SEMA5A: variants seen among roughly 807,000 people sequenced by gnomAD.
SEMA5A encodes the protein semaphorin 5A.
In SEMA5A, 55 loss-of-function variants were observed where a neutral mutation model predicts 135.5. The ratio of observed to expected loss-of-function variants is 0.41; its 90% CI spans 0.33 to 0.51. SEMA5A has a LOEUF of 0.51. Among genes scored for constraint, SEMA5A ranks in the 20% least tolerant of loss-of-function variants. The pLI, the probability that SEMA5A is intolerant of heterozygous loss-of-function variation, is 0.37. For missense variants in SEMA5A, 1,290 were observed against 1,419.9 expected (o/e 0.91, Z 1.47); for synonymous variants, 580 against 546.5 (o/e 1.06, Z -0.85).
chr5:9,055,670 A>G (rs1409957369), intron 18 of SEMA5A, among the ~76,000 whole-genome samples: 1 of 152,230 alleles, frequency 6.6e-6, no homozygotes, highest in Non-Finnish European at 1.5e-5. Context: ...GAAAACAAAA[A>G]TATTTGAACC....
chr5:9,209,657 G>C (rs1746236498), intron 8 of SEMA5A, among the ~76,000 whole-genome samples: 1 of 152,202 alleles, frequency 6.6e-6, no homozygotes, highest in Non-Finnish European at 1.5e-5. Flanking sequence ...AAACGTGCAT[G>C]ATGGCTCTGG....
At chr5:9,511,109 A>G (rs1736180756) in intron 1 of SEMA5A, among the ~76,000 whole-genome samples, 1 of 152,088 alleles carries the variant, frequency 6.6e-6, no homozygotes, top group African/African-American at 2.4e-5. Flanking sequence ...TAATTCATAT[A>G]CTCATTCAAA....
chr5:9,319,072 C>T (rs1752514784), intron 4 of SEMA5A, among the ~76,000 whole-genome samples: 2 of 151,922 alleles, frequency 1.3e-5, no homozygotes, highest in South Asian at 4.1e-4. Context: ...GGCATATTGG[C>T]TTATGCCTAT....
chr5:9,091,474 G>A (rs1739031435), intron 16 of SEMA5A, among the ~76,000 whole-genome samples: 1 of 152,142 alleles, frequency 6.6e-6, no homozygotes, highest in South Asian at 2.1e-4. Context: ...TGCACCCGAG[G>A]AGAAGCCTGC....
chr5:9,516,056 T>G (rs1395020167), intron 1 of SEMA5A, among the ~76,000 whole-genome samples: 1 of 152,248 alleles, frequency 6.6e-6, no homozygotes, highest in Non-Finnish European at 1.5e-5. Flanking sequence ...AGGTACCATG[T>G]GCTTAATTCA....
chr5:9,525,478 A>C (rs565342180), intron 1 of SEMA5A, among the ~76,000 whole-genome samples: 1 of 152,232 alleles, frequency 6.6e-6, no homozygotes, highest in Non-Finnish European at 1.5e-5. Context: ...AAGGCTCTCA[A>C]TGCAACAGTT....
At chr5:9,068,755 T>C (rs1168465621) in intron 16 of SEMA5A, among the ~76,000 whole-genome samples, 2 of 152,158 alleles carry the variant, frequency 1.3e-5, no homozygotes, top group East Asian at 3.9e-4. Context: ...TGCATTGAGA[T>C]GATTATTTTC....
intron 5 of SEMA5A, among the ~76,000 whole-genome samples, chr5:9,273,838 A>C (rs1750113899): frequency 6.6e-6 from 1 of 152,142 alleles, no homozygotes; most frequent in South Asian, 2.1e-4. Flanking sequence ...TCCTGAAGGA[A>C]GCACTAAACA....
chr5:9,288,402 G>A lies in SEMA5A; in HGVS notation c.270+29970C>T, dbSNP rs960653317. 5.9e-5 allele frequency among the ~76,000 whole-genome samples: 9 copies of A among 152,146 alleles called. No individual in the cohort carries two copies. In the East Asian group the frequency reaches 7.7e-4, roughly 13 times the overall value. ...CAGCCAGTGGTGGGAATCGCAGCTC[G>A]GACTTCCCTCCCCTTTCTCCCACAG... On this transcript the variant is annotated intron_variant, in intron 5 of 22. Transcript: ENST00000382496.
Position 9,359,205 on chromosome 5 carries a change from G to A in SEMA5A, c.124+20618C>T, listed in dbSNP as rs117134186. Among the ~76,000 whole-genome samples the A allele has an allele frequency of 1.3e-4, 20 of 152,292 alleles. No individual in the cohort carries two copies. The East Asian group carries it at 3.7e-3, about 28-fold the overall frequency. ...AGAACCTGGCCTTTGCAGTGTAACAGGCCAGGAATCTAGCCTCTGCTCTGT... is the reference window on the plus strand; with the variant it reads ...AGAACCTGGCCTTTGCAGTGTAACAAGCCAGGAATCTAGCCTCTGCTCTGT... On this transcript the variant is annotated intron_variant, in intron 3 of 22. Transcript: ENST00000382496.
intron 1 of SEMA5A, among the ~76,000 whole-genome samples, chr5:9,530,154 C>A (rs371487956): frequency 1.3e-5 from 2 of 152,122 alleles, no homozygotes; most frequent in African/African-American, 2.4e-5. Context: ...ATGTTAGATG[C>A]GACCATTTCC....
chr5:9,237,744 A>C (rs1026846010), intron 6 of SEMA5A, 84 bp downstream of exon 6: 3 of 1,238,960 alleles, frequency 2.4e-6, no homozygotes, highest in Non-Finnish European at 3.5e-6. Context: ...CGTAATCAGG[A>C]ATACTCTTCA....
intron 13 of SEMA5A, among the ~76,000 whole-genome samples, chr5:9,123,195 C>T (rs1740910872): frequency 7.9e-6 from 1 of 126,686 alleles, no homozygotes; most frequent in South Asian, 2.6e-4. Flanking sequence ...GGAGGTGGAG[C>T]TTGCAGTGAG....
chr5:9,248,250 C>G (rs1579706261), intron 5 of SEMA5A, among the ~76,000 whole-genome samples: 1 of 152,062 alleles, frequency 6.6e-6, no homozygotes, highest in African/African-American at 2.4e-5. Context: ...AAAATTGATG[C>G]CTTTTGTTAT....
At chr5:9,162,793 C>T (rs1016582603) in intron 11 of SEMA5A, among the ~76,000 whole-genome samples, 3 of 151,668 alleles carry the variant, frequency 2.0e-5, no homozygotes, top group East Asian at 1.9e-4. Flanking sequence ...TTGGAAGGGA[C>T]GTAAAACAAT....
At chr5:9,152,511 T>C (rs1318326707) in intron 12 of SEMA5A, among the ~76,000 whole-genome samples, 1 of 152,196 alleles carries the variant, frequency 6.6e-6, no homozygotes, top group Non-Finnish European at 1.5e-5. Flanking sequence ...ACAATATCAT[T>C]ATGATTAGCT....
Position 9,545,387 on chromosome 5 carries a change from G to T in SEMA5A, c.-175+197C>A, listed in dbSNP as rs988908181. 2.0e-5 allele frequency among the ~76,000 whole-genome samples: 3 copies of T among 151,988 alleles called. No homozygotes were observed. Among genetic ancestry groups the T allele is most frequent in the African/African-American group, 7.2e-5 (3 of 41,386 alleles). On this transcript the variant is annotated intron_variant, in intron 1 of 22. Transcript: ENST00000382496. This position sits in a 1 kb window ranked among gnomAD's most constrained non-coding sequence, Gnocchi z 4.5. ...CCCGTGCACTAGCTCAACTGTGGGC[G>T]CCCCCGGACTGACGGTCGTCCTAAT...
chr5:9,392,833 A>G (rs1756222512), intron 2 of SEMA5A, among the ~76,000 whole-genome samples: 1 of 152,256 alleles, frequency 6.6e-6, no homozygotes, highest in South Asian at 2.1e-4. Context: ...TATGAAGGCC[A>G]AGATACCTTC....
At chr5:9,448,020 G>T (rs1354951192) in intron 1 of SEMA5A, among the ~76,000 whole-genome samples, 2 of 152,104 alleles carry the variant, frequency 1.3e-5, no homozygotes, top group Admixed American at 6.5e-5. Context: ...GAACCAAAAG[G>T]TCGGCATGTC....
Sources: gnomAD v4.1 joint callset for allele counts (sites outside exome capture counted in the v4.1 genomes callset) on GRCh38, gnomAD v4.1.1 for gene constraint, Gnocchi (gnomAD v3.1) non-coding constraint, MANE v1.5 for transcripts, NCBI Gene and HGNC (gene_info 2026-07-23, HGNC 2026-07-21) for gene names.